Variants in SLC2A9 observed in about 807,000 individuals in gnomAD.
SLC2A9 encodes solute carrier family 2 member 9, also known as solute carrier family 2, facilitated glucose transporter member 9.
A neutral mutation model predicts 50.6 loss-of-function variants in SLC2A9; 39 were observed. That is an observed-to-expected ratio of 0.77 (90% CI 0.60 to 1.01). SLC2A9 has a LOEUF of 1.01. SLC2A9 is among the 50% of genes least tolerant of loss of function. SLC2A9 has a pLI of 0.00. For synonymous variants in SLC2A9, 324 were observed against 276.9 expected, an observed-to-expected ratio of 1.17 and a Z score of -1.69; for missense variants, 686 against 677.6, an observed-to-expected ratio of 1.01 and a Z score of -0.14.
At chr4:9,790,965 A>T (rs1301676054) in intron 3 of SLC2A9, among the ~76,000 whole-genome samples, 2 of 152,222 alleles carry the variant, frequency 1.3e-5, no homozygotes, top group African/African-American at 4.8e-5. Context: ...AGCTTGAATT[A>T]TTCTTAGATA....
chr4:9,930,678 A>C (rs1017385688), intron 6 of SLC2A9, among the ~76,000 whole-genome samples: 1 of 152,214 alleles, frequency 6.6e-6, no homozygotes, highest in Non-Finnish European at 1.5e-5. Flanking sequence ...AGAGTTTCCC[A>C]AGAGGAGATG....
intron 10 of SLC2A9, among the ~76,000 whole-genome samples, chr4:9,868,769 G>A (rs908365264): frequency 6.6e-6 from 1 of 152,180 alleles, no homozygotes; most frequent in Non-Finnish European, 1.5e-5. Flanking sequence ...TGTGACGAAT[G>A]CTGAAGATTT....
At chr4:9,958,774 G>A (rs1751738443) in intron 5 of SLC2A9, among the ~76,000 whole-genome samples, 1 of 152,188 alleles carries the variant, frequency 6.6e-6, no homozygotes, top group African/African-American at 2.4e-5. Context: ...GACCCATTTA[G>A]ACGAAAGCAA....
At chr4:9,886,424 CTGTGTGTGTGTGTGTGTGTGTGTG>C (rs59081583) in intron 10 of SLC2A9, among the ~76,000 whole-genome samples, 99 of 135,696 alleles carry the variant, frequency 7.3e-4, no homozygotes, top group East Asian at 6.7e-3. Context: ...CCTCATAGCA[CTGTGTGTGTGTGTGTGTGTGTGTG>C]TGTGTGTGTG....
intron 2 of SLC2A9, among the ~76,000 whole-genome samples, chr4:9,999,431 A>G (rs540243625): frequency 6.6e-6 from 1 of 152,030 alleles, no homozygotes; most frequent in Admixed American, 6.6e-5. Context: ...ATATGTGTGT[A>G]TTTTATATAC....
In SLC2A9 at chr4:9,884,481, T is replaced by A. The variant is rs548892325; in HGVS notation, c.1291+3086A>T. Among the ~76,000 whole-genome samples the A allele has an allele frequency of 7.9e-5, 12 of 151,904 alleles. No individual in the cohort carries two copies. In the South Asian group the frequency reaches 2.3e-3, roughly 29 times the overall value. On this transcript the variant is annotated intron_variant, in intron 10 of 11. Coordinates refer to ENST00000264784, the MANE Select transcript of SLC2A9 (RefSeq NM_020041.3). ...TAATTAGTAAAGTTGGGCTTGAAGA[T>A]ACAAGACCATTTTTTGGAGGGTTGG...
intron 1 of SLC2A9, among the ~76,000 whole-genome samples, chr4:10,028,162 C>T (rs1426310546): frequency 2.0e-5 from 3 of 152,232 alleles, no homozygotes; most frequent in Non-Finnish European, 4.4e-5. Context: ...CTGCCCTCAG[C>T]TCCCTCATCT....
chr4:9,776,328 G>A (rs538518429), downstream of SLC2A9, among the ~76,000 whole-genome samples: 8 of 151,890 alleles, frequency 5.3e-5, no homozygotes, highest in Admixed American at 1.3e-4. Context: ...AGTTTGTTCC[G>A]CAGGTCTTGG....
intron 5 of SLC2A9, among the ~76,000 whole-genome samples, chr4:9,965,620 T>C (rs1752936894): frequency 6.6e-6 from 1 of 152,220 alleles, no homozygotes; most frequent in East Asian, 1.9e-4. Flanking sequence ...TGGTAATGAA[T>C]GAGGATAACA....
intron 11 of SLC2A9, among the ~76,000 whole-genome samples, chr4:9,828,366 TA>T (rs1182141982): frequency 6.6e-6 from 1 of 152,194 alleles, no homozygotes; most frequent in African/African-American, 2.4e-5. Flanking sequence ...AGCATAATCT[TA>T]AGATTATTCT....
chr4:9,773,584 G>A (rs928187630), intron 1 of SLC2A9, among the ~76,000 whole-genome samples: 1 of 152,196 alleles, frequency 6.6e-6, no homozygotes, highest in Non-Finnish European at 1.5e-5. Context: ...AATCCTCTTA[G>A]CACAATTTTG....
chr4:9,880,733 C>T (rs543644119), intron 10 of SLC2A9, among the ~76,000 whole-genome samples: 6 of 152,302 alleles, frequency 3.9e-5, no homozygotes, highest in African/African-American at 1.2e-4. Context: ...AAAAAGATAA[C>T]TCGAGAAGCA....
chr4:10,027,715 G>A (rs929056220), intron 1 of SLC2A9, among the ~76,000 whole-genome samples: 3 of 151,744 alleles, frequency 2.0e-5, no homozygotes, highest in Non-Finnish European at 4.4e-5. Flanking sequence ...GCCTACCCAG[G>A]CATTTTTTTT....
At chr4:9,793,457 T>C (rs1397882092) in intron 3 of SLC2A9, among the ~76,000 whole-genome samples, 1 of 152,208 alleles carries the variant, frequency 6.6e-6, no homozygotes, top group Admixed American at 6.5e-5. Context: ...AACAAGTTCA[T>C]GCCCTATTCT....
chr4:10,026,098 T>G, upstream of SLC2A9: 3 of 876,126 alleles, frequency 3.4e-6, no homozygotes, highest in South Asian at 4.2e-5. Context: ...TTCGAAAGGT[T>G]TGCTGTGAGG....
intron 10 of SLC2A9, among the ~76,000 whole-genome samples, chr4:9,844,632 A>T (rs760053230): frequency 6.6e-6 from 1 of 152,226 alleles, no homozygotes; most frequent in Non-Finnish European, 1.5e-5. Flanking sequence ...TTCTCTGTGA[A>T]TCTGTGCTAC....
At chr4:9,771,660 T>C (rs1266336182) in intron 1 of SLC2A9, among the ~76,000 whole-genome samples, 1 of 152,200 alleles carries the variant, frequency 6.6e-6, no homozygotes, top group Non-Finnish European at 1.5e-5. Context: ...GAAAGAAAGG[T>C]AAGTCAGCAC....
chr4:10,028,181 G>A (rs1460335771), intron 1 of SLC2A9, among the ~76,000 whole-genome samples: 5 of 152,196 alleles, frequency 3.3e-5, no homozygotes, highest in African/African-American at 4.8e-5. Context: ...CTGGTTGATC[G>A]GGGGTCCCAC....
In SLC2A9 at chr4:9,890,691, C is replaced by A; in HGVS notation, c.1134G>T (p.Leu378=). Residue 378 remains leucine (L), a synonymous_variant, in exon 9 of 12, where the codon CTG becomes CTT. Transcript: ENST00000264784. The part of the protein sequence containing the change: ...AVFSGLVIEH[L]GRRPLLIGGF... ...CACCAATGAGGAGGGGTCTCCGTCCCAGGTGCTCAATGACCAAACCCTAGT... is the reference window on the plus strand; with the variant it reads ...CACCAATGAGGAGGGGTCTCCGTCCAAGGTGCTCAATGACCAAACCCTAGT... The A allele has an allele frequency of 6.2e-7, 1 of 1,614,088 alleles. No individual in the cohort carries two copies.
Sources: allele counts gnomAD v4.1 joint callset (sites outside exome capture counted in the v4.1 genomes callset), GRCh38; gene constraint gnomAD v4.1.1; transcripts MANE v1.5; gene names NCBI Gene and HGNC (gene_info 2026-07-23, HGNC 2026-07-21).